Variants in PPCDC observed in about 807,000 individuals in gnomAD.
PPCDC encodes phosphopantothenoylcysteine decarboxylase.
A neutral mutation model predicts 20.7 loss-of-function variants in PPCDC; 20 were observed. The ratio of observed to expected loss-of-function variants is 0.97; its 90% CI spans 0.68 to 1.41. PPCDC has a LOEUF of 1.41. Among genes scored for constraint, PPCDC ranks in the 40% most tolerant of loss-of-function variants. The pLI, the probability that PPCDC is intolerant of heterozygous loss-of-function variation, is 0.00. For synonymous variants in PPCDC, 88 were observed against 100.3 expected (o/e 0.88, Z 0.73); for missense variants, 246 against 263.8 (o/e 0.93, Z 0.47).
chr15:75,041,833 C>T (rs146990138), intron 2 of PPCDC, among the ~76,000 whole-genome samples: 21 of 152,252 alleles, frequency 1.4e-4, no homozygotes, highest in Non-Finnish European at 2.1e-4. Flanking sequence ...GGCGCTGTGC[C>T]GCTGTGTCAT....
intron 2 of PPCDC, among the ~76,000 whole-genome samples, chr15:75,040,268 T>C (rs550559547): frequency 1.8e-4 from 27 of 151,986 alleles, no homozygotes; most frequent in African/African-American, 6.5e-4. Context: ...ATTAGAGATG[T>C]GGTTTCACCA....
At position 75,033,279 on chromosome 15, in the gene PPCDC, A is replaced by G. The variant is rs141341270; in HGVS notation, c.135+4826A>G. ...CGTGCTACTACAGAGTTAAATCATTACGACAAAGCCTAAAATATCATCTGG... is the reference window on the plus strand; with the variant it reads ...CGTGCTACTACAGAGTTAAATCATTGCGACAAAGCCTAAAATATCATCTGG... On this transcript the variant is annotated intron_variant, in intron 2 of 5. Transcript: ENST00000342932. Among the ~76,000 whole-genome samples the G allele has an allele frequency of 2.5e-3, 376 of 152,342 alleles. 2 individuals carry two copies. The highest frequency in any genetic ancestry group is 8.7e-3 in the African/African-American group (362 of 41,578).
At chr15:75,045,605 T>C (rs187778333) in intron 4 of PPCDC, among the ~76,000 whole-genome samples, 1 of 152,272 alleles carries the variant, frequency 6.6e-6, no homozygotes, top group African/African-American at 2.4e-5. Context: ...GTCAATGGGC[T>C]CTTAAGGCAC....
chr15:75,033,945 G>C (rs989732821), intron 2 of PPCDC, among the ~76,000 whole-genome samples: 1 of 152,176 alleles, frequency 6.6e-6, no homozygotes, highest in African/African-American at 2.4e-5. Flanking sequence ...GCACACAGAA[G>C]GGTTGGCATG....
chr15:75,025,212 C>CT (rs2065947189), intron 1 of PPCDC, among the ~76,000 whole-genome samples: 1 of 152,216 alleles, frequency 6.6e-6, no homozygotes, highest in South Asian at 2.1e-4. Flanking sequence ...GAGCAGAAGC[C>CT]TGGGCAGCCG....
At chr15:75,039,069 G>A (rs771212464) in intron 2 of PPCDC, among the ~76,000 whole-genome samples, 31 of 151,814 alleles carry the variant, frequency 2.0e-4, no homozygotes, top group Non-Finnish European at 4.4e-4. Context: ...TCTATTTTCT[G>A]TTTGTTTGTG....
chr15:75,038,500 C>T (rs912449533), intron 2 of PPCDC, among the ~76,000 whole-genome samples: 4 of 152,276 alleles, frequency 2.6e-5, no homozygotes, highest in Non-Finnish European at 5.9e-5. Context: ...TACAGCCTGG[C>T]GCTTGTGGCT....
At chr15:75,029,909 C>T (rs2066001622) in intron 2 of PPCDC, among the ~76,000 whole-genome samples, 1 of 152,172 alleles carries the variant, frequency 6.6e-6, no homozygotes, top group Admixed American at 6.5e-5. Flanking sequence ...TGGGCAGCCT[C>T]AGAGCGGAGG....
intron 4 of PPCDC, among the ~76,000 whole-genome samples, chr15:75,047,469 A>G (rs901837181): frequency 6.6e-6 from 1 of 152,140 alleles, no homozygotes; most frequent in Non-Finnish European, 1.5e-5. Flanking sequence ...CTTTTCCCAG[A>G]TGAGCTTCCC....
chr15:75,032,964 A>G (rs540294865), intron 2 of PPCDC, among the ~76,000 whole-genome samples: 34 of 151,854 alleles, frequency 2.2e-4, no homozygotes, highest in African/African-American at 7.5e-4. Context: ...ACACTCTGCT[A>G]ATTTTTTTGC....
rs150017394 is a variant in PPCDC, at chr15:75,035,370, C to T, written c.135+6917C>T. Among the ~76,000 whole-genome samples, 1,017 of 152,206 alleles carry T rather than the reference C, an allele frequency of 6.7e-3. 8 individuals carry two copies. The highest frequency in any genetic ancestry group is 0.01 in the Non-Finnish European group (705 of 67,998). On this transcript the variant is annotated intron_variant, in intron 2 of 5. Coordinates refer to ENST00000342932, the MANE Select transcript of PPCDC (RefSeq NM_021823.5). The stretch of plus-strand genomic sequence containing the variant: ...TGGGATTTGTCTCATCCTGTGGCTG[C>T]GAAGTGCCTCTCCACGAGTTCCTTT...
chr15:75,026,681 G>A (rs954714499), intron 1 of PPCDC, among the ~76,000 whole-genome samples: 14 of 152,226 alleles, frequency 9.2e-5, no homozygotes, highest in Admixed American at 9.2e-4. Context: ...CAACTCACCA[G>A]CGCTGCTTCC....
Position 75,025,591 on chromosome 15 carries a change from C to T in PPCDC, c.-73+1965C>T, listed in dbSNP as rs58235768. On this transcript the variant is annotated intron_variant, in intron 1 of 5. Transcript: ENST00000342932. ...CTGCCATTTTTCTGGCTGTGGCTTA[C>T]CTGCTTGGCTAGTGCCCTGGGATCT... is the stretch of plus-strand genomic sequence containing the variant. 0.014 allele frequency among the ~76,000 whole-genome samples: 2,067 copies of T among 152,286 alleles called. 119 individuals are homozygous for T. The East Asian group carries it at 0.21, about 15-fold the overall frequency.
At position 75,043,729 on chromosome 15, in the gene PPCDC, C is replaced by T. The variant is rs2066185063; in HGVS notation, c.231+193C>T. 2.4e-5 allele frequency: 14 copies of T among 586,828 alleles called. No individual in the cohort carries two copies. The South Asian group carries it at 2.7e-4, about 11-fold the overall frequency. 36.4% of individuals were successfully genotyped at this position (586,828 alleles called of 1,614,324 possible). On this transcript the variant is annotated intron_variant, in intron 3 of 5. Transcript: ENST00000342932. ...GGCCTGCAGGAGGCCCTAGTCTCCT[C>T]CCGGCCCAGGCAGAGCTGGGCTTTG...
intron 3 of PPCDC, among the ~76,000 whole-genome samples, chr15:75,043,989 A>G (rs895543870): frequency 6.6e-6 from 1 of 151,858 alleles, no homozygotes; most frequent in Admixed American, 6.6e-5. Flanking sequence ...GCATTTTCAA[A>G]CATTCTTAGC....
intron 5 of PPCDC, 40 bp from the exon 6 acceptor site, chr15:75,049,110 A>T: frequency 6.5e-7 from 1 of 1,548,954 alleles, no homozygotes; most frequent in Non-Finnish European, 8.9e-7. Flanking sequence ...GGCTACAGGC[A>T]CTGTTGGCCT....
chr15:75,028,538 T>C, intron 2 of PPCDC, 85 bp downstream of exon 2: 1 of 1,549,644 alleles, frequency 6.5e-7, no homozygotes, highest in Non-Finnish European at 8.8e-7. Flanking sequence ...CTGCAGTACA[T>C]GCAATTTTCT....
intron 2 of PPCDC, among the ~76,000 whole-genome samples, chr15:75,032,031 A>C (rs2066027600): frequency 6.6e-6 from 1 of 152,180 alleles, no homozygotes; most frequent in Non-Finnish European, 1.5e-5. Context: ...ATCCCTCTTT[A>C]GGCAGATAAG....
At chr15:75,045,978 A>C (rs1256020420) in intron 4 of PPCDC, among the ~76,000 whole-genome samples, 3 of 151,750 alleles carry the variant, frequency 2.0e-5, no homozygotes, top group African/African-American at 7.3e-5. Context: ...TGGGAGGCTG[A>C]GGCAGGAAAA....
Sources: allele counts gnomAD v4.1 joint callset (sites outside exome capture counted in the v4.1 genomes callset), GRCh38; gene constraint gnomAD v4.1.1; transcripts MANE v1.5; gene names NCBI Gene and HGNC (gene_info 2026-07-23, HGNC 2026-07-21).